ANKLE1: variants seen among roughly 807,000 people sequenced by gnomAD.
ANKLE1 encodes ankyrin repeat and LEM domain containing 1.
Under a neutral mutation model 56.2 loss-of-function variants are expected in ANKLE1, and 59 were observed. The ratio of observed to expected loss-of-function variants is 1.05; its 90% CI spans 0.85 to 1.30. ANKLE1 has a LOEUF of 1.30. Ranked by LOEUF, ANKLE1 falls within the 50% of genes most tolerant of loss-of-function variation. The probability of loss-of-function intolerance (pLI) is 0.00; values close to 1 mark genes in which losing one functional copy is unlikely to be tolerated. For missense variants in ANKLE1, 771 were observed against 816.1 expected (o/e 0.94, Z 0.67); for synonymous variants, 341 against 352.9 (o/e 0.97, Z 0.38).
chr19:17,281,969 G>A lies in ANKLE1; in HGVS notation c.49G>A (p.Glu17Lys), dbSNP rs769864913. 8 of 1,534,356 alleles carry A rather than the reference G, an allele frequency of 5.2e-6. 1 individual carries two copies. The highest frequency in any genetic ancestry group is 1.9e-4 in the Middle Eastern group (1 of 5,354). ...LARRLRDALREEEPWAVEELL... is the reference protein window; with the variant it reads ...LARRLRDALRKEEPWAVEELL... Reference sequence around the variant, plus strand: ...TCGCAGGTTGCGGGATGCGCTGCGGGAGGAGGAGCCGTGGTGAGGGCGGGG... The same window carrying A: ...TCGCAGGTTGCGGGATGCGCTGCGGAAGGAGGAGCCGTGGTGAGGGCGGGG... Residue 17 changes from glutamate to lysine, a missense_variant, in exon 1 of 9, where the codon GAG becomes AAG. By Grantham distance (56) the Glu-to-Lys change is moderately conservative (BLOSUM62 1). Coordinates refer to ENST00000404085, the MANE Select transcript of ANKLE1 (RefSeq NM_152363.6).
In ANKLE1 at chr19:17,282,695, G is replaced by GCC. The variant is rs2073986038; in HGVS notation, c.255_256insCC (p.Trp86ProfsTer12). The GCC allele has an allele frequency of 2.6e-6, 4 of 1,536,408 alleles. No homozygotes were observed. Among genetic ancestry groups the GCC allele is most frequent in the Non-Finnish European group, 3.5e-6 (4 of 1,147,482 alleles). On this transcript the variant is annotated frameshift_variant, in exon 3 of 9. Coordinates refer to ENST00000404085, the MANE Select transcript of ANKLE1 (RefSeq NM_152363.6). LOFTEE classifies it high-confidence loss of function. ...TGACGCCGCTGCATGTGGCCGCCGCGTGGGGCTGCCGCCGCGGCCTGGAGC... is the reference window on the plus strand; with the variant it reads ...TGACGCCGCTGCATGTGGCCGCCGCGCCTGGGGCTGCCGCCGCGGCCTGGAGC...
Position 17,286,682 on chromosome 19 carries a change from G to T in ANKLE1, c.*130G>T, listed in dbSNP as rs878979432. On this transcript the variant is annotated 3_prime_UTR_variant, in exon 9 of 9. Coordinates refer to ENST00000404085, the MANE Select transcript of ANKLE1 (RefSeq NM_152363.6). ...TGTGTGTGTGTGTGTGTGTGTGTGT[G>T]TGTGTGTGTTTGTGTGTGTGTGTGT... 4.9e-3 allele frequency: 4,481 copies of T among 923,510 alleles called. 2 individuals carry two copies. Among genetic ancestry groups the T allele is most frequent in the African/African-American group, 9.8e-3 (397 of 40,520 alleles). 57.2% of individuals were successfully genotyped at this position (923,510 alleles called of 1,614,324 possible).
Position 17,285,951 on chromosome 19 carries a change from A to C in ANKLE1, c.1675+132A>C. The C allele has an allele frequency of 6.2e-6, 8 of 1,286,912 alleles. No individual in the cohort carries two copies. In the South Asian group the frequency reaches 8.6e-5, roughly 14 times the overall value. The allele number at this position is 1,286,912 out of a possible 1,614,324, so 79.7% of individuals were successfully genotyped here. ...TTGAGCACCAACTTTGAACCTGCAC[A>C]TGCATGTATTTTGCTCCATTGGTTT... On this transcript the variant is annotated intron_variant, in intron 8 of 8. Coordinates refer to ENST00000404085, the MANE Select transcript of ANKLE1 (RefSeq NM_152363.6).
Position 17,284,082 on chromosome 19 carries a change from C to A in ANKLE1, c.1199-7C>A, listed in dbSNP as rs1443200237. 6 of 1,613,116 alleles carry A rather than the reference C, an allele frequency of 3.7e-6. No individual in the cohort carries two copies. The highest frequency in any genetic ancestry group is 5.1e-6 in the Non-Finnish European group (6 of 1,179,186). On this transcript the variant is annotated splice_region_variant and splice_polypyrimidine_tract_variant and intron_variant, in intron 5 of 8. Transcript: ENST00000404085. ...TCATCCCTTCCTCCATCTCCCTTGA[C>A]TTCCAGGCCCAGAGTTTTCAGGGCA...
chr19:17,286,272 G>A (rs922490620), intron 8 of ANKLE1, 108 bp from the exon 9 acceptor site: 72 of 1,408,808 alleles, frequency 5.1e-5, no homozygotes, highest in Non-Finnish European at 6.3e-5. Flanking sequence ...AAAGTGTTGG[G>A]ATTACAGGCG....
rs1337133001 is a variant in ANKLE1, at chr19:17,284,153, T to C, written c.1263T>C (p.Asp421=). ...AAALRTGCIP[D]VQADEDALAQ... ...CCCTGCGGACGGGCTGTATTCCAGA[T>C]GTCCAGGCAGATGAAGACGCGCTGG... The change falls in exon 6 of 9, where the codon GAT becomes GAC. Residue 421 remains aspartate (D), a synonymous_variant. Coordinates refer to ENST00000404085, the MANE Select transcript of ANKLE1 (RefSeq NM_152363.6). 1 of 1,613,916 alleles carries C rather than the reference T, an allele frequency of 6.2e-7. No homozygotes were observed. Among genetic ancestry groups the C allele is most frequent in the South Asian group, 1.1e-5 (1 of 91,084 alleles).
In ANKLE1 at chr19:17,286,949, G is replaced by A. The variant is rs1485284803; in HGVS notation, c.*397G>A. 2.5e-5 allele frequency: 9 copies of A among 355,008 alleles called. No individual in the cohort carries two copies. The highest frequency in any genetic ancestry group is 3.7e-5 in the Non-Finnish European group (9 of 242,966). The allele number at this position is 355,008 out of a possible 1,614,324, so 22.0% of individuals were successfully genotyped here. ...AACCTACTGGGCTGCATTCCCAGAT[G>A]GTTAAAGCATTCTAAGTCACGGGAT... On this transcript the variant is annotated 3_prime_UTR_variant, in exon 9 of 9. Coordinates refer to ENST00000404085, the MANE Select transcript of ANKLE1 (RefSeq NM_152363.6).
rs572737095 is a variant in ANKLE1 at position 17,283,565 on chromosome 19, G to A, written c.801G>A (p.Thr267=). The A allele has an allele frequency of 3.6e-5, 58 of 1,612,788 alleles. No individual in the cohort carries two copies. Among genetic ancestry groups the A allele is most frequent in the East Asian group, 1.6e-4 (7 of 44,868 alleles). ...ANQRVPRSQG[T]EAELNARLQA... ...AGAGGGTACCTAGGTCTCAGGGCAC[G>A]GAGGCAGAACTGAATGCCCGTCTGC... The change falls in exon 5 of 9, where the codon ACG becomes ACA. Residue 267 remains threonine, a synonymous_variant. Coordinates refer to ENST00000404085, the MANE Select transcript of ANKLE1 (RefSeq NM_152363.6).
At chr19:17,283,100 C>A (rs1406627623) in intron 4 of ANKLE1, 98 bp downstream of exon 4, 2 of 1,540,574 alleles carry the variant, frequency 1.3e-6, no homozygotes, top group Non-Finnish European at 1.7e-6. Context: ...GACCGTCTCA[C>A]ATCCACTATT....
Position 17,286,645 on chromosome 19 carries a change from G to T in ANKLE1, c.*93G>T, listed in dbSNP as rs2074034578. 1.3e-6 allele frequency: 2 copies of T among 1,511,708 alleles called. No homozygotes were observed. The highest frequency in any genetic ancestry group is 1.8e-6 in the Non-Finnish European group (2 of 1,134,818). 93.6% of individuals were successfully genotyped at this position (1,511,708 alleles called of 1,614,324 possible). ...GCAGCCCCCATCTCTGGTTTCAGAA[G>T]GGGTGTGTGTGTGTGTGTGTGTGTG... On this transcript the variant is annotated 3_prime_UTR_variant, in exon 9 of 9. Coordinates refer to ENST00000404085, the MANE Select transcript of ANKLE1 (RefSeq NM_152363.6).
chr19:17,283,211 A>C lies in ANKLE1; in HGVS notation c.461-14A>C. 1 of 1,595,206 alleles carries C rather than the reference A, an allele frequency of 6.3e-7. No individual in the cohort carries two copies. The highest frequency in any genetic ancestry group is 8.6e-7 in the Non-Finnish European group (1 of 1,168,822). The stretch of plus-strand genomic sequence containing the variant: ...CCTCCTCCTCTCCTCTCTGGCCCCC[A>C]CTCTCACCTGCAGCCCCAGGCCTCT... On this transcript the variant is annotated splice_polypyrimidine_tract_variant and intron_variant, in intron 4 of 8. Transcript: ENST00000404085.
intron 4 of ANKLE1, 108 bp downstream of exon 4, chr19:17,283,110 T>A: frequency 6.5e-7 from 1 of 1,543,464 alleles, no homozygotes; most frequent in Non-Finnish European, 8.7e-7. Context: ...CATCCACTAT[T>A]TGTGGCCAGC....
Position 17,285,775 on chromosome 19 carries a change from C to T in ANKLE1, c.1631C>T (p.Ala544Val), listed in dbSNP as rs146201418. 9.0e-5 allele frequency: 146 copies of T among 1,613,864 alleles called. No homozygotes were observed. The African/African-American group carries it at 1.7e-3, about 18-fold the overall frequency. Reference protein sequence around the residue: ...VSLHCFQHVVAVEAYTREACI... With the variant: ...VSLHCFQHVVVVEAYTREACI... ...CTACATTGCTTCCAGCACGTGGTCGCTGTGGAGGCTTATACACGGGAGGCG... is the reference window on the plus strand; with the variant it reads ...CTACATTGCTTCCAGCACGTGGTCGTTGTGGAGGCTTATACACGGGAGGCG... Residue 544 changes from alanine (A) to valine (V), a missense_variant, in exon 8 of 9, where the codon GCT (alanine) becomes GTT (valine). Physicochemically the swap from Ala to Val is moderately conservative, Grantham distance 64. Coordinates refer to ENST00000404085, the MANE Select transcript of ANKLE1 (RefSeq NM_152363.6).
chr19:17,284,432 G>A (rs962436599), intron 6 of ANKLE1, among the ~76,000 whole-genome samples, 166 bp downstream of exon 6: 6 of 152,122 alleles, frequency 3.9e-5, no homozygotes, highest in Admixed American at 1.3e-4. Flanking sequence ...TGCCAAGGCA[G>A]GAGTACAATG....
rs201853418 is a variant in ANKLE1, at chr19:17,285,733, G to A, written c.1589G>A (p.Gly530Asp). ...VRQILDIWASGCGVVSLHCFQ... is the reference protein window; with the variant it reads ...VRQILDIWASDCGVVSLHCFQ... The stretch of plus-strand genomic sequence containing the variant: ...CAGATCTTGGACATCTGGGCCAGTG[G>A]TTGCGGTGTTGTGTCCCTACATTGC... The change falls in exon 8 of 9, where the codon GGT (glycine) becomes GAT (aspartate). Residue 530 changes from glycine (G) to aspartate (D), a missense_variant. Gly to Asp is a moderately conservative substitution (Grantham distance 94). Transcript: ENST00000404085. The A allele has an allele frequency of 1.2e-4, 190 of 1,613,854 alleles. No individual in the cohort carries two copies. Among genetic ancestry groups the A allele is most frequent in the Admixed American group, 7.7e-4 (46 of 59,990 alleles).
rs1482572194 is a variant in ANKLE1, at chr19:17,283,955, T to G, written c.1191T>G (p.Ile397Met). 5 of 1,603,082 alleles carry G rather than the reference T, an allele frequency of 3.1e-6. No individual in the cohort carries two copies. Residue 397 changes from isoleucine to methionine, a missense_variant, in exon 5 of 9, where the codon ATT (isoleucine) becomes ATG (methionine). Ile to Met is a conservative substitution (Grantham distance 10). Transcript: ENST00000404085. ...LYHQQLEEAQ[I>M]APGPEFSGHS... Reference sequence around the variant, plus strand: ...ACCAGCAGCTGGAAGAAGCCCAGATTGCTCCTGGTTAGTCTTCCCAGGGCA... The same window carrying G: ...ACCAGCAGCTGGAAGAAGCCCAGATGGCTCCTGGTTAGTCTTCCCAGGGCA...
In ANKLE1 at chr19:17,281,908, A is replaced by G. The variant is rs1281249784; in HGVS notation, c.-13A>G. On this transcript the variant is annotated 5_prime_UTR_variant, in exon 1 of 9. Coordinates refer to ENST00000404085, the MANE Select transcript of ANKLE1 (RefSeq NM_152363.6). ...CGACCGACCAGGCGGTGCGCTTCGGACCCAGCCAGGGCATGTGCTCGGAGG... is the reference window on the plus strand; with the variant it reads ...CGACCGACCAGGCGGTGCGCTTCGGGCCCAGCCAGGGCATGTGCTCGGAGG... 1 of 1,535,244 alleles carries G rather than the reference A, an allele frequency of 6.5e-7. No homozygotes were observed. Among genetic ancestry groups the G allele is most frequent in the Non-Finnish European group, 8.7e-7 (1 of 1,146,336 alleles).
chr19:17,286,647 G>GGT lies in ANKLE1; in HGVS notation c.*138_*139dup, dbSNP rs58535756. The GGT allele has an allele frequency of 2.8e-3, 4,042 of 1,427,822 alleles. 7 individuals are homozygous for GGT. In the East Asian group the frequency reaches 0.07, roughly 25 times the overall value. 88.4% of individuals were successfully genotyped at this position (1,427,822 alleles called of 1,614,324 possible). A position where few individuals can be genotyped will look rare whatever the true frequency, so the allele number is the denominator to read the frequency against. On this transcript the variant is annotated 3_prime_UTR_variant, in exon 9 of 9. Transcript: ENST00000404085. ...AGCCCCCATCTCTGGTTTCAGAAGG[G>GGT]GTGTGTGTGTGTGTGTGTGTGTGTG...
At chr19:17,284,682 C>CCCTTT (rs2074012894) in intron 6 of ANKLE1, among the ~76,000 whole-genome samples, 1 of 52,620 alleles carries the variant, frequency 1.9e-5, no homozygotes, top group African/African-American at 7.7e-5. Context: ...CCGCACCGGC[C>CCCTTT]TCTTTTTTTT....
Sources: allele counts gnomAD v4.1 joint callset (sites outside exome capture counted in the v4.1 genomes callset), GRCh38; gene constraint gnomAD v4.1.1; transcripts MANE v1.5; gene names NCBI Gene and HGNC (gene_info 2026-07-23, HGNC 2026-07-21).